Variants in PTPRD observed in about 807,000 individuals in gnomAD.
The protein encoded by PTPRD is receptor-type tyrosine-protein phosphatase delta.
PTPRD carries 34 observed loss-of-function variants against 214.5 expected under a neutral mutation model. The observed-to-expected ratio is 0.16, with a 90% confidence interval of 0.12 to 0.21. PTPRD has a LOEUF of 0.21. PTPRD is among the 10% of genes least tolerant of loss of function. The probability of loss-of-function intolerance (pLI) is 1.00; values close to 1 mark genes in which losing one functional copy is unlikely to be tolerated. For synonymous variants in PTPRD, 1,128 were observed against 845.7 expected (o/e 1.33, Z -5.79); for missense variants, 2,545 against 2,398.7 (o/e 1.06, Z -1.27).
At chr9:10,370,108 A>G (rs2097582097) in intron 2 of PTPRD, among the ~76,000 whole-genome samples, 1 of 152,094 alleles carries the variant, frequency 6.6e-6, no homozygotes, top group African/African-American at 2.4e-5. Context: ...TGGAACAAAG[A>G]CTGAAACAAG....
At chr9:8,448,616 G>C (rs1443972499) in intron 34 of PTPRD, among the ~76,000 whole-genome samples, 1 of 152,078 alleles carries the variant, frequency 6.6e-6, no homozygotes, top group Admixed American at 6.6e-5. Context: ...ATATGAGTTA[G>C]AATTTTTTTT....
intron 12 of PTPRD, among the ~76,000 whole-genome samples, chr9:8,677,503 A>C (rs1375867390): frequency 1.3e-5 from 2 of 152,146 alleles, no homozygotes; most frequent in African/African-American, 4.8e-5. Context: ...AGGAAACAAG[A>C]GACAACAGGG....
intron 14 of PTPRD, among the ~76,000 whole-genome samples, chr9:8,533,928 T>G (rs1394298606): frequency 6.6e-6 from 1 of 152,044 alleles, no homozygotes; most frequent in Non-Finnish European, 1.5e-5. Context: ...TCTTCAACTG[T>G]TTGTGACTAC....
chr9:9,223,345 T>G (rs751764197), intron 9 of PTPRD, among the ~76,000 whole-genome samples: 64 of 152,074 alleles, frequency 4.2e-4, no homozygotes, highest in Non-Finnish European at 8.2e-4. Flanking sequence ...ATTGCTGTTA[T>G]AAAAAATCTT....
At chr9:9,172,810 G>C (rs2099922291) in intron 10 of PTPRD, among the ~76,000 whole-genome samples, 1 of 152,028 alleles carries the variant, frequency 6.6e-6, no homozygotes. Context: ...TCCAGTACTT[G>C]CCTGCATTAT....
At chr9:9,684,798 A>C (rs1014238029) in intron 7 of PTPRD, among the ~76,000 whole-genome samples, 1 of 151,526 alleles carries the variant, frequency 6.6e-6, no homozygotes, top group Admixed American at 6.6e-5. Context: ...CGGTCTTTAG[A>C]GCAGTGCAAA....
chr9:8,596,926 T>C (rs2094506911), intron 14 of PTPRD, among the ~76,000 whole-genome samples: 1 of 152,092 alleles, frequency 6.6e-6, no homozygotes, highest in African/African-American at 2.4e-5. Flanking sequence ...TTTAGCTAAA[T>C]ATCTAACAGG....
At position 9,397,865 on chromosome 9, in the gene PTPRD, C is replaced by G. The variant is rs141340888; in HGVS notation, c.-236-383G>C. On this transcript the variant is annotated intron_variant, in intron 8 of 45. Transcript: ENST00000381196. The stretch of plus-strand genomic sequence containing the variant: ...TACTGGTCCTAATTCTCAGCTCTGA[C>G]AGTGCCATATACACCACCTTCCTGA... 1.2e-4 allele frequency among the ~76,000 whole-genome samples: 18 copies of G among 152,118 alleles called. No homozygotes were observed. The East Asian group carries it at 3.5e-3, about 29-fold the overall frequency.
intron 10 of PTPRD, among the ~76,000 whole-genome samples, chr9:9,064,758 T>C (rs779407334): frequency 6.6e-6 from 1 of 152,206 alleles, no homozygotes; most frequent in Admixed American, 6.5e-5. Context: ...ATAAAAATCA[T>C]CACGGTAATA....
intron 8 of PTPRD, among the ~76,000 whole-genome samples, chr9:9,400,127 A>G (rs958580751): frequency 5.5e-4 from 79 of 144,344 alleles, no homozygotes; most frequent in Non-Finnish European, 9.1e-4. Context: ...GCACAGGTAG[A>G]TGAGTAAATA....
chr9:9,292,768 T>A (rs1951617842), intron 9 of PTPRD, among the ~76,000 whole-genome samples: 1 of 151,538 alleles, frequency 6.6e-6, no homozygotes, highest in Non-Finnish European at 1.5e-5. Context: ...AAACTTGTTT[T>A]TGAAGATCTT....
chr9:8,578,068 T>G (rs923533515), intron 14 of PTPRD, among the ~76,000 whole-genome samples: 5 of 152,228 alleles, frequency 3.3e-5, no homozygotes, highest in African/African-American at 9.6e-5. Context: ...ATTTTACAGT[T>G]AATTTCATTG....
intron 9 of PTPRD, among the ~76,000 whole-genome samples, chr9:9,207,641 T>C (rs928775164): frequency 3.9e-5 from 6 of 152,196 alleles, no homozygotes; most frequent in Admixed American, 3.9e-4. Flanking sequence ...CAGAGGATAA[T>C]TTGGCAACAT....
chr9:10,586,194 A>G (rs2073838196), intron 2 of PTPRD, among the ~76,000 whole-genome samples: 1 of 152,080 alleles, frequency 6.6e-6, no homozygotes, highest in Non-Finnish European at 1.5e-5. Context: ...ACAATCTGCA[A>G]TGAAAGATAC....
rs541842282 is a variant in PTPRD, at chr9:9,426,907, C to T, written c.-236-29425G>A. The stretch of plus-strand genomic sequence containing the variant: ...CATCTACACCAAAACCCCATCTGTA[C>T]GTCACCATCATCAAAGACCAAAGGT... On this transcript the variant is annotated intron_variant, in intron 8 of 45. Coordinates refer to ENST00000381196, the MANE Select transcript of PTPRD (RefSeq NM_002839.4). 2.0e-3 allele frequency among the ~76,000 whole-genome samples: 310 copies of T among 152,192 alleles called. 1 individual carries two copies. The highest frequency in any genetic ancestry group is 6.7e-3 in the African/African-American group (277 of 41,512).
chr9:9,227,015 C>CT (rs1569564759), intron 9 of PTPRD, among the ~76,000 whole-genome samples: 1 of 151,960 alleles, frequency 6.6e-6, no homozygotes, highest in African/African-American at 2.4e-5. Flanking sequence ...ATTTATATGG[C>CT]TTTTTTTCTA....
At chr9:10,140,056 G>T (rs546579044) in intron 3 of PTPRD, among the ~76,000 whole-genome samples, 9 of 151,974 alleles carry the variant, frequency 5.9e-5, no homozygotes, top group Non-Finnish European at 1.3e-4. Flanking sequence ...CTAAATTAAA[G>T]AGCTTCTTCT....
At chr9:9,649,073 A>T (rs1215969438) in intron 7 of PTPRD, among the ~76,000 whole-genome samples, 1 of 152,094 alleles carries the variant, frequency 6.6e-6, no homozygotes, top group Non-Finnish European at 1.5e-5. Flanking sequence ...ATTGGGCGAG[A>T]GTTTGGGAGG....
chr9:8,948,543 TTATATATATTTATATATATTTA>T (rs2099084429), intron 11 of PTPRD, among the ~76,000 whole-genome samples: 3 of 31,184 alleles, frequency 9.6e-5, no homozygotes, highest in South Asian at 2.0e-3. Flanking sequence ...ATATATATAT[TTATATATATTTATATATATTTA>T]TATATATATA....
Sources: allele counts gnomAD v4.1 joint callset (sites outside exome capture counted in the v4.1 genomes callset), GRCh38; gene constraint gnomAD v4.1.1; transcripts MANE v1.5; gene names NCBI Gene and HGNC (gene_info 2026-07-23, HGNC 2026-07-21).